NEK1: variants seen among roughly 807,000 people sequenced by gnomAD.
NEK1 encodes serine/threonine-protein kinase Nek1.
NEK1 carries 137 observed loss-of-function variants against 182.1 expected under a neutral mutation model. The observed-to-expected ratio is 0.75, with a 90% CI of 0.65 to 0.87. NEK1 has a LOEUF of 0.87. Ranked by LOEUF, NEK1 falls within the 40% of genes least tolerant of loss-of-function variation. The pLI is 0.00. For missense variants in NEK1, 1,391 were observed against 1,494.4 expected, an observed-to-expected ratio of 0.93 and a Z score of 1.14; for synonymous variants, 513 against 492.2, an observed-to-expected ratio of 1.04 and a Z score of -0.56.
In NEK1 at chr4:169,504,384, T is replaced by C. The variant is rs543927907; in HGVS notation, c.2007+2653A>G. ...AATCTAGCAATCCCACTGCTAGGTA[T>C]ATACCCAAAAGAAAGGAAATCAGTA... On this transcript the variant is annotated intron_variant, in intron 23 of 35. Transcript: ENST00000507142. Among the ~76,000 whole-genome samples the C allele has an allele frequency of 4.6e-5, 7 of 152,188 alleles. 1 individual carries two copies. The highest frequency in any genetic ancestry group is 1.0e-4 in the Non-Finnish European group (7 of 68,030).
intron 31 of NEK1, among the ~76,000 whole-genome samples, chr4:169,419,154 A>G (rs1735032854): frequency 6.6e-6 from 1 of 152,146 alleles, no homozygotes; most frequent in African/African-American, 2.4e-5. Flanking sequence ...GCTAGAAACC[A>G]GTGATAAAAA....
intron 18 of NEK1, 104 bp from the exon 19 acceptor site, chr4:169,538,015 G>A (rs1758783808): frequency 5.7e-6 from 4 of 697,724 alleles, no homozygotes; most frequent in African/African-American, 3.6e-5. Flanking sequence ...AGAATATGAA[G>A]GCTGATGAAA....
intron 23 of NEK1, among the ~76,000 whole-genome samples, chr4:169,487,259 A>T: frequency 6.6e-6 from 1 of 152,094 alleles, no homozygotes; most frequent in Non-Finnish European, 1.5e-5. Context: ...AGATCAACTC[A>T]TCACCCAGGT....
At chr4:169,600,741 GT>G (rs1280619948) in intron 4 of NEK1, among the ~76,000 whole-genome samples, 6 of 152,124 alleles carry the variant, frequency 3.9e-5, no homozygotes, top group South Asian at 2.1e-4. Context: ...GTATATAGAT[GT>G]TATAATGTAT....
chr4:169,587,284 T>C (rs759462913), intron 9 of NEK1, among the ~76,000 whole-genome samples: 18 of 151,900 alleles, frequency 1.2e-4, no homozygotes, highest in Non-Finnish European at 2.7e-4. Flanking sequence ...TCATACAAAA[T>C]TTAACATTAA....
intron 19 of NEK1, among the ~76,000 whole-genome samples, chr4:169,537,406 A>C (rs1004889224): frequency 1.3e-5 from 2 of 152,142 alleles, no homozygotes; most frequent in South Asian, 2.1e-4. Flanking sequence ...CCAAATACTT[A>C]TTTCCCATTT....
In NEK1 at chr4:169,477,405, T is replaced by G. The variant is rs766023485; in HGVS notation, c.2205+27A>C. 5.1e-6 allele frequency: 8 copies of G among 1,581,960 alleles called. No homozygotes were observed. In the South Asian group the frequency reaches 9.4e-5, roughly 19 times the overall value. ...ATATGTATATCATTAAGTAAAATGA[T>G]TGATAAACTTTGAAAATTTTACTTA... On this transcript the variant is annotated intron_variant, in intron 25 of 35. Coordinates refer to ENST00000507142, the MANE Select transcript of NEK1 (RefSeq NM_001199397.3).
chr4:169,556,150 T>TTATAA, intron 16 of NEK1, 55 bp from the exon 17 acceptor site: 2 of 1,480,386 alleles, frequency 1.4e-6, no homozygotes, highest in Non-Finnish European at 1.8e-6. Context: ...CTAACAGGCC[T>TTATAA]GTACTAGTCT....
chr4:169,417,291 T>C, intron 31 of NEK1, among the ~76,000 whole-genome samples: 1 of 152,162 alleles, frequency 6.6e-6, no homozygotes, highest in East Asian at 1.9e-4. Flanking sequence ...AGAGAGGCAG[T>C]CAATGCCATA....
intron 27 of NEK1, among the ~76,000 whole-genome samples, chr4:169,440,023 T>A (rs913356825): frequency 1.3e-5 from 2 of 151,758 alleles, no homozygotes; most frequent in East Asian, 1.9e-4. Flanking sequence ...ATTTTTTATA[T>A]TTTTAGTAGA....
intron 23 of NEK1, chr4:169,506,607 G>C (rs1230558182): frequency 6.6e-6 from 1 of 152,226 alleles, no homozygotes; most frequent in Non-Finnish European, 1.5e-5. Flanking sequence ...ACAAAAATTA[G>C]CCAGGCGTGA....
At chr4:169,609,202 T>G (rs776285553) in intron 2 of NEK1, among the ~76,000 whole-genome samples, 1 of 152,106 alleles carries the variant, frequency 6.6e-6, no homozygotes, top group Non-Finnish European at 1.5e-5. Context: ...AAATTCACAG[T>G]TGATTATTGT....
intron 27 of NEK1, among the ~76,000 whole-genome samples, chr4:169,456,322 C>T (rs565870085): frequency 6.6e-6 from 1 of 151,806 alleles, no homozygotes; most frequent in South Asian, 2.1e-4. Flanking sequence ...AAAGCAAGAG[C>T]AAAGTAAGCC....
chr4:169,570,624 C>A (rs994007781), intron 12 of NEK1, among the ~76,000 whole-genome samples: 13 of 152,138 alleles, frequency 8.5e-5, no homozygotes, highest in African/African-American at 2.9e-4. Flanking sequence ...CCGGCCGCCC[C>A]TGCTAGGAAG....
chr4:169,473,392 A>T (rs1486681416), intron 26 of NEK1, among the ~76,000 whole-genome samples: 5 of 152,082 alleles, frequency 3.3e-5, no homozygotes, highest in African/African-American at 1.2e-4. Flanking sequence ...AAAATTATCT[A>T]TTGGGGTACC....
chr4:169,571,664 G>C (rs2150008290), intron 12 of NEK1, among the ~76,000 whole-genome samples: 1 of 152,262 alleles, frequency 6.6e-6, no homozygotes, highest in South Asian at 2.1e-4. Flanking sequence ...CAAGGGAAGA[G>C]TAGCAAATGA....
chr4:169,403,210 G>A (rs1175598645), intron 32 of NEK1, among the ~76,000 whole-genome samples: 1 of 152,140 alleles, frequency 6.6e-6, no homozygotes, highest in Non-Finnish European at 1.5e-5. Context: ...TAATTAGAAT[G>A]AGAAAATAGT....
At chr4:169,406,024 G>A (rs1732525466) in intron 32 of NEK1, among the ~76,000 whole-genome samples, 1 of 152,006 alleles carries the variant, frequency 6.6e-6, no homozygotes, top group South Asian at 2.1e-4. Flanking sequence ...TTGAACTTGG[G>A]AGGCAGAGGT....
chr4:169,432,765 T>C (rs1184490648), intron 29 of NEK1, among the ~76,000 whole-genome samples: 10 of 152,116 alleles, frequency 6.6e-5, no homozygotes, highest in Admixed American at 6.5e-4. Context: ...CATATCATCA[T>C]ACTTTAATTA....
Sources: allele counts gnomAD v4.1 joint callset (sites outside exome capture counted in the v4.1 genomes callset), GRCh38; gene constraint gnomAD v4.1.1; transcripts MANE v1.5; gene names NCBI Gene and HGNC (gene_info 2026-07-23, HGNC 2026-07-21).